RAP1GAP2: variants seen among roughly 807,000 people sequenced by gnomAD.
RAP1GAP2 encodes rap1 GTPase-activating protein 2.
A neutral mutation model predicts 95.0 loss-of-function variants in RAP1GAP2; 27 were observed. The observed-to-expected ratio is 0.28, with a 90% CI of 0.21 to 0.39. The LOEUF (loss-of-function observed/expected upper bound fraction) is 0.39. Ranked by LOEUF, RAP1GAP2 falls within the 10% of genes least tolerant of loss-of-function variation. The pLI is 1.00. For synonymous variants in RAP1GAP2, 373 were observed against 380.9 expected, an observed-to-expected ratio of 0.98 and a Z score of 0.24; for missense variants, 771 against 970.0, an observed-to-expected ratio of 0.79 and a Z score of 2.72.
In RAP1GAP2 at chr17:2,797,008, T is replaced by C. The variant is rs558020354; in HGVS notation, c.44+437T>C. ...CGTGTGTGAGGTGTGTGCCTGTGCATGTGGGCAGCTGCCTGTCTGCACTTC... is the reference window on the plus strand; with the variant it reads ...CGTGTGTGAGGTGTGTGCCTGTGCACGTGGGCAGCTGCCTGTCTGCACTTC... On this transcript the variant is annotated intron_variant, in intron 1 of 24. Coordinates refer to ENST00000254695, the MANE Select transcript of RAP1GAP2 (RefSeq NM_015085.5). The surrounding 1 kb of genome is among the most constrained non-coding windows in gnomAD (Gnocchi z 5.6). Among the ~76,000 whole-genome samples, 368 of 152,242 alleles carry C rather than the reference T, an allele frequency of 2.4e-3. 1 individual carries two copies. Among genetic ancestry groups the C allele is most frequent in the African/African-American group, 8.4e-3 (350 of 41,534 alleles).
At chr17:2,826,023 C>T (rs1253749825) in intron 2 of RAP1GAP2, among the ~76,000 whole-genome samples, 1 of 147,504 alleles carries the variant, frequency 6.8e-6, no homozygotes, top group Non-Finnish European at 1.5e-5. Flanking sequence ...CTCTGTCGCC[C>T]CGGCTGGAGT....
intron 11 of RAP1GAP2, among the ~76,000 whole-genome samples, chr17:2,989,988 C>G (rs2045696646): frequency 6.6e-6 from 1 of 152,180 alleles, no homozygotes; most frequent in Non-Finnish European, 1.5e-5. Flanking sequence ...ATGGAATCAT[C>G]ATATGTGGCC....
intron 17 of RAP1GAP2, among the ~76,000 whole-genome samples, chr17:3,015,089 G>A (rs1341669140): frequency 1.3e-5 from 2 of 152,210 alleles, no homozygotes; most frequent in African/African-American, 4.8e-5. Flanking sequence ...CCTGCCCTCA[G>A]TTGTTCAAAG....
intron 1 of RAP1GAP2, among the ~76,000 whole-genome samples, chr17:2,782,704 G>A (rs1266623812): frequency 6.6e-6 from 1 of 152,134 alleles, no homozygotes; most frequent in Non-Finnish European, 1.5e-5. Context: ...GGGATAGTAG[G>A]TCCTATTAGG....
intron 3 of RAP1GAP2, among the ~76,000 whole-genome samples, chr17:2,918,310 A>G (rs1567776814): frequency 6.6e-6 from 1 of 151,742 alleles, no homozygotes; most frequent in Non-Finnish European, 1.5e-5. Flanking sequence ...GCGAGCGCCT[A>G]TAATCCCAGC....
upstream of RAP1GAP2, among the ~76,000 whole-genome samples, chr17:2,793,051 C>T (rs1370473690): frequency 2.0e-5 from 3 of 152,054 alleles, no homozygotes; most frequent in South Asian, 2.1e-4. Context: ...ACTATCACCC[C>T]GCTTCTCTCT....
intron 2 of RAP1GAP2, among the ~76,000 whole-genome samples, chr17:2,841,121 C>T (rs984506957): frequency 6.6e-6 from 1 of 151,874 alleles, no homozygotes; most frequent in African/African-American, 2.4e-5. Context: ...CGCCACTGCA[C>T]TCCAGCCTGG....
intron 1 of RAP1GAP2, among the ~76,000 whole-genome samples, chr17:2,762,113 G>A (rs1377000458): frequency 1.4e-5 from 2 of 144,498 alleles, no homozygotes; most frequent in Non-Finnish European, 3.0e-5. Flanking sequence ...TCAGCCTCCC[G>A]AGTAGCTGGG....
At chr17:2,860,762 C>T (rs958900306) in intron 2 of RAP1GAP2, among the ~76,000 whole-genome samples, 1 of 151,714 alleles carries the variant, frequency 6.6e-6, no homozygotes, top group Non-Finnish European at 1.5e-5. Context: ...CACTACCGTG[C>T]CTGGGTAATT....
chr17:2,884,626 G>A (rs1471744868), intron 2 of RAP1GAP2, among the ~76,000 whole-genome samples: 3 of 151,880 alleles, frequency 2.0e-5, no homozygotes, highest in Admixed American at 6.6e-5. Flanking sequence ...CGCCTGCCTC[G>A]GCCTCCCAAA....
At chr17:2,837,896 G>A (rs938747505) in intron 2 of RAP1GAP2, among the ~76,000 whole-genome samples, 4 of 151,046 alleles carry the variant, frequency 2.6e-5, no homozygotes, top group Non-Finnish European at 5.9e-5. Context: ...GTGAGCCACC[G>A]CACCCGGTCT....
intron 19 of RAP1GAP2, 44 bp from the exon 20 acceptor site, chr17:3,025,964 G>C: frequency 7.0e-7 from 1 of 1,438,578 alleles, no homozygotes; most frequent in Non-Finnish European, 9.7e-7. Context: ...GGTGGGGGTT[G>C]AGGGCTGTCT....
rs761443847 is a variant in RAP1GAP2 at position 2,902,351 on chromosome 17, G to A, written c.81-2933G>A. On this transcript the variant is annotated intron_variant, in intron 2 of 24. Transcript: ENST00000254695. The surrounding 1 kb of genome is among the most constrained non-coding windows in gnomAD (Gnocchi z 4.1). Reference sequence around the variant, plus strand: ...CTTGCCTCAGCCTCCCAAGTAGCTCGGATGACAGGCACACGCCACCATGCC... The same window carrying A: ...CTTGCCTCAGCCTCCCAAGTAGCTCAGATGACAGGCACACGCCACCATGCC... Among the ~76,000 whole-genome samples the A allele has an allele frequency of 9.2e-5, 14 of 152,192 alleles. No homozygotes were observed. Among genetic ancestry groups the A allele is most frequent in the African/African-American group, 1.4e-4 (6 of 41,530 alleles).
chr17:2,916,038 T>G (rs2042557103), intron 3 of RAP1GAP2, among the ~76,000 whole-genome samples: 1 of 152,154 alleles, frequency 6.6e-6, no homozygotes, highest in African/African-American at 2.4e-5. Context: ...TAGGATAAAC[T>G]TGTTTTAATT....
At chr17:2,759,951 A>G (rs2071212789) in intron 1 of RAP1GAP2, among the ~76,000 whole-genome samples, 1 of 152,094 alleles carries the variant, frequency 6.6e-6, no homozygotes, top group Admixed American at 6.6e-5. Flanking sequence ...GATATTGCCA[A>G]CCTGACCTCC....
chr17:2,994,162 T>C (rs894467429), intron 12 of RAP1GAP2, among the ~76,000 whole-genome samples: 1 of 152,168 alleles, frequency 6.6e-6, no homozygotes, highest in African/African-American at 2.4e-5. Context: ...AGAGACTAAA[T>C]GAATTGTCCA....
chr17:2,786,547 T>C (rs1023766031), intron 1 of RAP1GAP2, among the ~76,000 whole-genome samples: 2 of 152,092 alleles, frequency 1.3e-5, no homozygotes, highest in Admixed American at 6.6e-5. Flanking sequence ...GCTGGGTGGG[T>C]GTGGGCAGAG....
At chr17:2,771,489 T>G (rs2068394296) in intron 2 of RAP1GAP2, among the ~76,000 whole-genome samples, 1 of 149,968 alleles carries the variant, frequency 6.7e-6, no homozygotes, top group Admixed American at 6.6e-5. Context: ...CTTTTTTGTT[T>G]TTTTTTTTTG....
At chr17:2,896,932 C>T (rs1479698254) in intron 2 of RAP1GAP2, among the ~76,000 whole-genome samples, 2 of 152,216 alleles carry the variant, frequency 1.3e-5, no homozygotes, top group Non-Finnish European at 2.9e-5. Context: ...CGGCTCATCT[C>T]CTGCACAGCC....
Sources: allele counts gnomAD v4.1 joint callset (sites outside exome capture counted in the v4.1 genomes callset), GRCh38; gene constraint gnomAD v4.1.1; non-coding constraint Gnocchi (gnomAD v3.1); transcripts MANE v1.5; gene names NCBI Gene and HGNC (gene_info 2026-07-23, HGNC 2026-07-21).